Variants in SPOCD1 observed in about 807,000 individuals in gnomAD.
The protein encoded by SPOCD1 is SPOC domain containing 1.
Under a neutral mutation model 92.2 loss-of-function variants are expected in SPOCD1, and 64 were observed. That is an observed-to-expected ratio of 0.69 (90% confidence interval 0.57 to 0.86). The LOEUF (loss-of-function observed/expected upper bound fraction) is 0.86, where lower values mean the gene tolerates loss of function less well. Ranked by LOEUF, SPOCD1 falls within the 40% of genes least tolerant of loss-of-function variation. SPOCD1 has a pLI of 0.00. For synonymous variants in SPOCD1, 578 were observed against 619.3 expected, an observed-to-expected ratio of 0.93 and a Z score of 0.99; for missense variants, 1,360 against 1,543.1, an observed-to-expected ratio of 0.88 and a Z score of 1.99.
chr1:31,790,848 C>A lies in SPOCD1; in HGVS notation c.3406G>T (p.Gly1136Cys). 6.5e-7 allele frequency: 1 copy of A among 1,547,342 alleles called. No homozygotes were observed. Among genetic ancestry groups the A allele is most frequent in the South Asian group, 1.2e-5 (1 of 81,480 alleles). The change falls in exon 16 of 16, where the codon GGC becomes TGC. Residue 1136 changes from glycine to cysteine, a missense_variant. This residue lies in a region of SPOCD1 where 614 missense variants were observed against 757.8 expected (regional missense o/e 0.81). Transcript: ENST00000360482. Reference protein sequence around the residue: ...VAPAGHGFGRGQHFHRDSCPH... With the variant: ...VAPAGHGFGRCQHFHRDSCPH... The stretch of plus-strand genomic sequence containing the variant: ...CAGGAGTCCCTGTGGAAGTGCTGGC[C>A]ACGGCCAAAGCCATGACCAGCTGGT...
At chr1:31,812,937 C>T (rs1649298075) in intron 2 of SPOCD1, among the ~76,000 whole-genome samples, 1 of 152,182 alleles carries the variant, frequency 6.6e-6, no homozygotes, top group African/African-American at 2.4e-5. Flanking sequence ...GATGAAAATC[C>T]AACTATGTGA....
chr1:31,796,468 CACAA>C, intron 10 of SPOCD1, 118 bp downstream of exon 10: 1 of 1,493,640 alleles, frequency 6.7e-7, no homozygotes, highest in Non-Finnish European at 9.2e-7. Flanking sequence ...CCCGTTTTAT[CACAA>C]ACAAGGTGGG....
At position 31,798,157 on chromosome 1, in the gene SPOCD1, C is replaced by G. The variant is rs773653870; in HGVS notation, c.2145+50G>C. On this transcript the variant is annotated intron_variant, in intron 9 of 15. Transcript: ENST00000360482. This position sits in a 1 kb window ranked among gnomAD's most constrained non-coding sequence, Gnocchi z 4.1. ...CTCCCTCTTCCACTCTCAGGCCACCCACTCTGCCCCTACATCCCCTCACCC... is the reference window on the plus strand; with the variant it reads ...CTCCCTCTTCCACTCTCAGGCCACCGACTCTGCCCCTACATCCCCTCACCC... The G allele has an allele frequency of 2.2e-5, 30 of 1,386,056 alleles. No individual in the cohort carries two copies. In the South Asian group the frequency reaches 3.4e-4, roughly 15 times the overall value. The allele number at this position is 1,386,056 out of a possible 1,614,324, so 85.9% of individuals were successfully genotyped here. A position where few individuals can be genotyped will look rare whatever the true frequency, so the allele number is the denominator to read the frequency against.
rs1489682293 is a variant in SPOCD1 at position 31,798,709 on chromosome 1, C to T, written c.1869-108G>A. On this transcript the variant is annotated intron_variant, in intron 7 of 15. Coordinates refer to ENST00000360482, the MANE Select transcript of SPOCD1 (RefSeq NM_144569.7). This position sits in a 1 kb window ranked among gnomAD's most constrained non-coding sequence, Gnocchi z 4.1. Reference sequence around the variant, plus strand: ...GCGGCAGGGTCTGGGCCAACTTGTTCCTGTCGTGGGTGTTTCCCTGCAGGA... The same window carrying T: ...GCGGCAGGGTCTGGGCCAACTTGTTTCTGTCGTGGGTGTTTCCCTGCAGGA... The T allele has an allele frequency of 6.3e-6, 8 of 1,270,324 alleles. No individual in the cohort carries two copies. The highest frequency in any genetic ancestry group is 8.7e-6 in the Non-Finnish European group (8 of 922,472). 78.7% of individuals were successfully genotyped at this position (1,270,324 alleles called of 1,614,324 possible).
At chr1:31,813,488 C>A (rs1649335380) in intron 2 of SPOCD1, among the ~76,000 whole-genome samples, 1 of 152,242 alleles carries the variant, frequency 6.6e-6, no homozygotes, top group Non-Finnish European at 1.5e-5. Context: ...TGGTCTTGAT[C>A]TCTTGACCTC....
chr1:31,793,481 C>T (rs1212059880), intron 12 of SPOCD1, 53 bp from the exon 13 acceptor site: 2 of 1,546,028 alleles, frequency 1.3e-6, no homozygotes, highest in Non-Finnish European at 1.8e-6. Context: ...TGAGGACTTC[C>T]CCGGCACCTC....
At position 31,796,582 on chromosome 1, in the gene SPOCD1, A is replaced by C; in HGVS notation, c.2271+8T>G. 1.2e-6 allele frequency: 2 copies of C among 1,614,250 alleles called. No homozygotes were observed. Among genetic ancestry groups the C allele is most frequent in the Non-Finnish European group, 1.7e-6 (2 of 1,180,046 alleles). On this transcript the variant is annotated splice_region_variant and intron_variant, in intron 10 of 15. Coordinates refer to ENST00000360482, the MANE Select transcript of SPOCD1 (RefSeq NM_144569.7). ...TCTGCCCAGCACCAGGTCAGGCTCC[A>C]ACTTAACCACCAGATCCTCCAGGGT...
Position 31,814,012 on chromosome 1 carries a change from C to G in SPOCD1, c.1322G>C (p.Ser441Thr). The change falls in exon 2 of 16, where the codon AGC becomes ACC. Residue 441 changes from serine (S) to threonine (T), a missense_variant. Ser to Thr is a moderately conservative substitution (Grantham distance 58, BLOSUM62 1). Coordinates refer to ENST00000360482, the MANE Select transcript of SPOCD1 (RefSeq NM_144569.7). The surrounding 1 kb of genome is among the most constrained non-coding windows in gnomAD (Gnocchi z 4.2). ...CCTGTCCTGGTGGGAGTTGTCTGAG[C>G]TTCTGTCTGTGCCCCGGTCTTGGGC... ...PCAQDRGTDR[S>T]SDNSHQDRPE... The G allele has an allele frequency of 6.2e-7, 1 of 1,607,344 alleles. No individual in the cohort carries two copies. The highest frequency in any genetic ancestry group is 8.5e-7 in the Non-Finnish European group (1 of 1,176,092).
intron 9 of SPOCD1, 92 bp from the exon 10 acceptor site, chr1:31,796,807 C>T: frequency 6.4e-7 from 1 of 1,569,406 alleles, no homozygotes; most frequent in Non-Finnish European, 8.7e-7. Context: ...TGAGGCCCCT[C>T]TCTTGTGGTT....
chr1:31,810,222 G>C (rs144826989), intron 2 of SPOCD1, among the ~76,000 whole-genome samples: 27 of 152,190 alleles, frequency 1.8e-4, no homozygotes, highest in African/African-American at 6.5e-4. Flanking sequence ...AAAGCCCCGT[G>C]AACAGTCAAG....
chr1:31,809,527 CA>C (rs386366637), intron 2 of SPOCD1, among the ~76,000 whole-genome samples: 27 of 144,640 alleles, frequency 1.9e-4, no homozygotes, highest in South Asian at 2.2e-4. Flanking sequence ...ATGTAGTAGC[CA>C]AAAAAAAAAA....
chr1:31,801,808 T>C (rs1259920870), intron 2 of SPOCD1, 103 bp from the exon 3 acceptor site: 3 of 990,034 alleles, frequency 3.0e-6, no homozygotes, highest in Non-Finnish European at 4.9e-6. Context: ...GGGTGTGTGT[T>C]CAGTGTTCAC....
chr1:31,792,719 C>G lies in SPOCD1; in HGVS notation c.2734G>C (p.Val912Leu). The change falls in exon 14 of 16, where the codon GTC (valine) becomes CTC (leucine). Residue 912 changes from valine (V) to leucine (L), a missense_variant. Transcript: ENST00000360482. ...CAGATGCTGGCCAGAAGGTCCCAGACAATGTTGGAGGGGATGCAGCCTGCC... is the reference window on the plus strand; with the variant it reads ...CAGATGCTGGCCAGAAGGTCCCAGAGAATGTTGGAGGGGATGCAGCCTGCC... ...RSAGCIPSNIVWDLLASICPA... is the reference protein window; with the variant it reads ...RSAGCIPSNILWDLLASICPA... The G allele has an allele frequency of 6.2e-7, 1 of 1,608,278 alleles. No homozygotes were observed. The highest frequency in any genetic ancestry group is 8.5e-7 in the Non-Finnish European group (1 of 1,177,848).
rs1647533631 is a variant in SPOCD1 at position 31,790,836 on chromosome 1, G to A, written c.3418C>T (p.His1140Tyr). The A allele has an allele frequency of 6.5e-7, 1 of 1,539,680 alleles. No homozygotes were observed. ...GCTTGGTGGGGACAGGAGTCCCTGT[G>A]GAAGTGCTGGCCACGGCCAAAGCCA... is the stretch of plus-strand genomic sequence containing the variant. ...GHGFGRGQHF[H>Y]RDSCPHQALL... is the part of the protein sequence containing the mutation. Residue 1140 changes from histidine (H) to tyrosine (Y), a missense_variant, in exon 16 of 16, where the codon CAC becomes TAC. Transcript: ENST00000360482.
intron 9 of SPOCD1, among the ~76,000 whole-genome samples, chr1:31,797,507 C>A (rs1425907180): frequency 6.6e-6 from 1 of 152,280 alleles, no homozygotes; most frequent in African/African-American, 2.4e-5. Context: ...CTGGCCCCCA[C>A]AGAGCCTGGA....
In SPOCD1 at chr1:31,798,737, CTACT is replaced by C. The variant is rs1365934424; in HGVS notation, c.1869-140_1869-137del. ...GTCGTGGGTGTTTCCCTGCAGGAAC[CTACT>C]TATTCTCACCCCAACTCCGTGAGGA... On this transcript the variant is annotated intron_variant, in intron 7 of 15. Transcript: ENST00000360482. This position sits in a 1 kb window ranked among gnomAD's most constrained non-coding sequence, Gnocchi z 4.1. 7 of 878,664 alleles carry C rather than the reference CTACT, an allele frequency of 8.0e-6. No individual in the cohort carries two copies. The East Asian group carries it at 1.9e-4, about 23-fold the overall frequency. The allele number at this position is 878,664 out of a possible 1,614,324, so 54.4% of individuals were successfully genotyped here.
At chr1:31,800,792 C>G (rs991720288) in intron 3 of SPOCD1, among the ~76,000 whole-genome samples, 175 bp from the exon 4 acceptor site, 3 of 152,186 alleles carry the variant, frequency 2.0e-5, no homozygotes, top group Non-Finnish European at 4.4e-5. Context: ...TTGGAAAAGG[C>G]CTGGCACATA....
At chr1:31,801,525 AG>A in intron 3 of SPOCD1, 138 bp downstream of exon 3, 1 of 691,436 alleles carries the variant, frequency 1.4e-6, no homozygotes, top group South Asian at 1.7e-5. Flanking sequence ...TTATAGAGGG[AG>A]GGGAGCACTA....
chr1:31,806,619 C>T (rs1312680774), intron 2 of SPOCD1, among the ~76,000 whole-genome samples: 1 of 151,390 alleles, frequency 6.6e-6, no homozygotes, highest in African/African-American at 2.4e-5. Flanking sequence ...GATCTCGGCT[C>T]ACTGCAGTCT....
Sources: allele counts gnomAD v4.1 joint callset (sites outside exome capture counted in the v4.1 genomes callset), GRCh38; gene constraint gnomAD v4.1.1; regional missense constraint gnomAD v4.1.1; non-coding constraint Gnocchi (gnomAD v3.1); transcripts MANE v1.5; gene names NCBI Gene and HGNC (gene_info 2026-07-23, HGNC 2026-07-21).